The following IQSEC1 variants were observed in gnomAD, a reference collection of about 807,000 sequenced individuals.
IQSEC1 encodes IQ motif and SEC7 domain-containing protein 1.
A neutral mutation model predicts 91.0 loss-of-function variants in IQSEC1; 31 were observed. That is an observed-to-expected ratio of 0.34 (90% CI 0.26 to 0.46). The LOEUF (loss-of-function observed/expected upper bound fraction) is 0.46. IQSEC1 is among the 20% of genes least tolerant of loss of function. The probability of loss-of-function intolerance (pLI) is 1.00; values close to 1 mark genes in which losing one functional copy is unlikely to be tolerated. For synonymous variants in IQSEC1, 699 were observed against 662.6 expected (o/e 1.05, Z -0.84); for missense variants, 1,388 against 1,575.6 (o/e 0.88, Z 2.02).
intron 1 of IQSEC1, among the ~76,000 whole-genome samples, chr3:13,017,974 G>T (rs1389816148): frequency 6.6e-6 from 1 of 152,182 alleles, no homozygotes; most frequent in Non-Finnish European, 1.5e-5. Context: ...TGGGGAGGAG[G>T]CTGGTGACCC....
At chr3:13,183,348 C>T (rs1215023804) in intron 1 of IQSEC1, among the ~76,000 whole-genome samples, 1 of 151,104 alleles carries the variant, frequency 6.6e-6, no homozygotes, top group Non-Finnish European at 1.5e-5. Flanking sequence ...CTTTGGGAGC[C>T]CTCAGGCCAA....
rs1198005788 is a variant in IQSEC1 at position 12,971,314 on chromosome 3, A to G, written c.24-29449T>C. Among the ~76,000 whole-genome samples, 12 of 152,338 alleles carry G rather than the reference A, an allele frequency of 7.9e-5. 1 individual carries two copies. The South Asian group carries it at 2.5e-3, about 32-fold the overall frequency. On this transcript the variant is annotated intron_variant, in intron 1 of 13. Coordinates refer to ENST00000613206, the MANE Select transcript of IQSEC1 (RefSeq NM_001134382.3). The stretch of plus-strand genomic sequence containing the variant: ...TAGGGCTGGGCCAGATGATCCTCAG[A>G]TGAGATGGCCACAAGATGGGATGCA...
Position 13,134,403 on chromosome 3 carries a change from G to A in IQSEC1, c.302+29701C>T, listed in dbSNP as rs189359516. On this transcript the variant is annotated intron_variant, in intron 2 of 15. Transcript: ENST00000648114. ...CATGGGGTGGTAAGGACAAGGGCCA[G>A]TCTTGGGTCCTCTGTGGCACACAGC... Among the ~76,000 whole-genome samples the A allele has an allele frequency of 2.5e-3, 387 of 152,366 alleles. 3 individuals are homozygous for A. Among genetic ancestry groups the A allele is most frequent in the African/African-American group, 8.9e-3 (371 of 41,584 alleles).
At chr3:13,184,227 C>T (rs1693893718) in intron 1 of IQSEC1, among the ~76,000 whole-genome samples, 1 of 152,208 alleles carries the variant, frequency 6.6e-6, no homozygotes, top group Admixed American at 6.5e-5. Context: ...AACTCCTGAG[C>T]AGTATCCCTC....
intron 1 of IQSEC1, among the ~76,000 whole-genome samples, chr3:13,063,407 C>G (rs1189442657): frequency 2.6e-5 from 4 of 152,256 alleles, no homozygotes; most frequent in Non-Finnish European, 4.4e-5. Context: ...TTATTTGTCT[C>G]TGTCCCAGCT....
In IQSEC1 at chr3:12,994,196, G is replaced by GGAGCCC. The variant is rs1261207346; in HGVS notation, c.24-52337_24-52332dup. Among the ~76,000 whole-genome samples the GGAGCCC allele has an allele frequency of 2.0e-5, 3 of 147,382 alleles. No individual in the cohort carries two copies. The highest frequency in any genetic ancestry group is 2.5e-5 in the African/African-American group (1 of 40,698). Reference sequence around the variant, plus strand: ...GGGCGGGCGCTCGGGAGCCGGAGCCGGAGCCCGAGCCCGATACCAGCGCCA... The same window carrying GGAGCCC: ...GGGCGGGCGCTCGGGAGCCGGAGCCGGAGCCCGAGCCCGAGCCCGATACCAGCGCCA... On this transcript the variant is annotated intron_variant, in intron 1 of 13. Coordinates refer to ENST00000613206, the MANE Select transcript of IQSEC1 (RefSeq NM_001134382.3). The surrounding 1 kb of genome is among the most constrained non-coding windows in gnomAD (Gnocchi z 4.5).
chr3:13,177,865 A>G (rs2125012535), intron 1 of IQSEC1, among the ~76,000 whole-genome samples: 1 of 152,306 alleles, frequency 6.6e-6, no homozygotes, highest in African/African-American at 2.4e-5. Flanking sequence ...CAGGGGCTAC[A>G]CAGCCACTCT....
At chr3:13,006,061 A>C (rs1702622167) in intron 1 of IQSEC1, among the ~76,000 whole-genome samples, 1 of 152,192 alleles carries the variant, frequency 6.6e-6, no homozygotes, top group Non-Finnish European at 1.5e-5. Context: ...CCCTCACCCC[A>C]ACCTGTGTGA....
At chr3:13,231,211 C>T (rs1694833315) in intron 1 of IQSEC1, among the ~76,000 whole-genome samples, 1 of 152,154 alleles carries the variant, frequency 6.6e-6, no homozygotes, top group Non-Finnish European at 1.5e-5. Flanking sequence ...ATTTGGAAAT[C>T]CATGCAGAGT....
chr3:13,212,428 C>T (rs867824329), intron 1 of IQSEC1, among the ~76,000 whole-genome samples: 67 of 152,296 alleles, frequency 4.4e-4, no homozygotes, highest in African/African-American at 1.4e-3. Flanking sequence ...CATCAACTGA[C>T]GGACATTTGT....
intron 1 of IQSEC1, among the ~76,000 whole-genome samples, chr3:13,061,152 C>T (rs962362870): frequency 1.3e-5 from 2 of 152,130 alleles, no homozygotes; most frequent in African/African-American, 4.8e-5. Flanking sequence ...CAGTTCCTAC[C>T]CCTCGGTTCT....
At chr3:13,251,154 G>A (rs189695036) in intron 1 of IQSEC1, among the ~76,000 whole-genome samples, 1 of 152,202 alleles carries the variant, frequency 6.6e-6, no homozygotes, top group African/African-American at 2.4e-5. Context: ...TGAGCCCTGG[G>A]CCAGGCTGGC....
chr3:13,149,960 G>A (rs1706967142), intron 2 of IQSEC1, among the ~76,000 whole-genome samples: 1 of 152,178 alleles, frequency 6.6e-6, no homozygotes, highest in African/African-American at 2.4e-5. Context: ...AGGCAAGGGT[G>A]ACAAACAGTC....
intron 2 of IQSEC1, among the ~76,000 whole-genome samples, chr3:13,101,872 C>T (rs1706070635): frequency 6.6e-6 from 1 of 151,930 alleles, no homozygotes; most frequent in Admixed American, 6.6e-5. Context: ...ACACTGGCCT[C>T]CTTCCCCATC....
rs529243063 is a variant in IQSEC1 at position 13,207,361 on chromosome 3, C to G, written c.273-43228G>C. 6.6e-6 allele frequency among the ~76,000 whole-genome samples: 1 copy of G among 152,284 alleles called. No individual in the cohort carries two copies. The highest frequency in any genetic ancestry group is 2.4e-5 in the African/African-American group (1 of 41,532). ...CATCGCCAATCTGCCTACTTCTCCC[C>G]CTCCACGGCCACCTCCCTGACCCAA... On this transcript the variant is annotated intron_variant, in intron 1 of 15. Coordinates refer to the IQSEC1 transcript ENST00000648114. The surrounding 1 kb of genome is among the most constrained non-coding windows in gnomAD (Gnocchi z 4.8).
chr3:13,031,814 G>C (rs945030097), intron 1 of IQSEC1, among the ~76,000 whole-genome samples: 5 of 152,146 alleles, frequency 3.3e-5, no homozygotes, highest in Admixed American at 2.6e-4. Context: ...AAGGTGACAG[G>C]GAGGGCCTCT....
At chr3:13,221,144 C>T (rs1325369050) in intron 1 of IQSEC1, among the ~76,000 whole-genome samples, 1 of 152,030 alleles carries the variant, frequency 6.6e-6, no homozygotes, top group Admixed American at 6.6e-5. Context: ...AGCCAGGAGG[C>T]CTTGGTGAGG....
At chr3:13,034,839 G>T (rs1037191661) in intron 1 of IQSEC1, among the ~76,000 whole-genome samples, 2 of 152,352 alleles carry the variant, frequency 1.3e-5, no homozygotes, top group South Asian at 4.1e-4. Context: ...GCTAATGCTC[G>T]CCATCGCAGG....
chr3:12,907,269 G>A (rs562265894), intron 12 of IQSEC1, among the ~76,000 whole-genome samples: 30 of 152,334 alleles, frequency 2.0e-4, no homozygotes, highest in Middle Eastern at 3.4e-3. Flanking sequence ...TTAAAGGGCA[G>A]ACTCCAAAGG....
Sources: gnomAD v4.1 joint callset for allele counts (sites outside exome capture counted in the v4.1 genomes callset) on GRCh38, gnomAD v4.1.1 for gene constraint, Gnocchi (gnomAD v3.1) non-coding constraint, MANE v1.5 for transcripts, NCBI Gene and HGNC (gene_info 2026-07-23, HGNC 2026-07-21) for gene names.